Variants in DOCK2 observed in about 807,000 individuals in gnomAD.
The protein encoded by DOCK2 is dedicator of cytokinesis protein 2.
DOCK2 carries 87 observed loss-of-function variants against 248.9 expected under a neutral mutation model. The observed-to-expected ratio is 0.35, with a 90% CI of 0.29 to 0.42. The LOEUF is 0.42. DOCK2 is among the 10% of genes least tolerant of loss of function. DOCK2 has a pLI of 1.00. For missense variants in DOCK2, 1,747 were observed against 2,300.2 expected (o/e 0.76, Z 4.92); for synonymous variants, 805 against 821.6 (o/e 0.98, Z 0.35).
intron 22 of DOCK2, among the ~76,000 whole-genome samples, chr5:169,730,500 A>T (rs1478512499): frequency 2.0e-5 from 3 of 152,196 alleles, no homozygotes; most frequent in Non-Finnish European, 4.4e-5. Flanking sequence ...CAAACTGCTC[A>T]GAGGGGATTT....
At chr5:169,714,254 G>A (rs752155410) in intron 18 of DOCK2, 43 bp downstream of exon 18, 4 of 1,602,844 alleles carry the variant, frequency 2.5e-6, no homozygotes, top group Non-Finnish European at 3.4e-6. Context: ...GAGTGTGTGT[G>A]TCCGTGTGTG....
At chr5:170,017,927 A>G (rs945459624) in intron 32 of DOCK2, among the ~76,000 whole-genome samples, 1 of 152,188 alleles carries the variant, frequency 6.6e-6, no homozygotes, top group African/African-American at 2.4e-5. Flanking sequence ...TTTATGAGAC[A>G]TATATACAAG....
At chr5:169,677,007 G>A (rs986006074) in intron 6 of DOCK2, among the ~76,000 whole-genome samples, 2 of 152,198 alleles carry the variant, frequency 1.3e-5, no homozygotes, top group Admixed American at 6.5e-5. Context: ...ACAACTTTAT[G>A]AGGTAGGCAC....
At chr5:169,957,991 T>A (rs1178094743) in intron 27 of DOCK2, among the ~76,000 whole-genome samples, 2 of 152,194 alleles carry the variant, frequency 1.3e-5, no homozygotes, top group Non-Finnish European at 2.9e-5. Context: ...TCACCTTGAC[T>A]GAGATGCTCA....
intron 23 of DOCK2, 125 bp downstream of exon 23, chr5:169,747,629 A>G (rs1038807000): frequency 1.3e-6 from 1 of 775,050 alleles, no homozygotes; most frequent in Non-Finnish European, 2.0e-6. Flanking sequence ...TGGGCTGGCC[A>G]CTAGGTTAAA....
In DOCK2 at chr5:169,718,717, G is replaced by A. The variant is rs1179012711; in HGVS notation, c.2193G>A (p.Glu731=). 8 of 1,613,896 alleles carry A rather than the reference G, an allele frequency of 5.0e-6. No individual in the cohort carries two copies. Among genetic ancestry groups the A allele is most frequent in the Non-Finnish European group, 6.8e-6 (8 of 1,179,922 alleles). ...CCTCCAGCAGAGGGGAGCAATGTGA[G>A]CCAATCCTAAGAACGCTGAAGGCTT... ...LDTSSRGEQC[E]PILRTLKALE... is the part of the protein sequence containing the mutation. The change falls in exon 22 of 52, where the codon GAG becomes GAA. Residue 731 remains glutamate, a synonymous_variant. Coordinates refer to ENST00000520908, the MANE Select transcript of DOCK2 (RefSeq NM_004946.3).
In DOCK2 at chr5:170,075,855, G is replaced by T. The variant is rs1464880691; in HGVS notation, c.4729-92G>T. On this transcript the variant is annotated intron_variant, in intron 46 of 51. Transcript: ENST00000520908. ...GAAGCCCTTGATGAATTCTTAGCAG[G>T]CAGACTTGACTGCAGCTGCCTTGAT... The T allele has an allele frequency of 2.6e-6, 4 of 1,537,060 alleles. No homozygotes were observed. In the African/African-American group the frequency reaches 4.1e-5, roughly 16 times the overall value.
At chr5:170,025,955 G>A (rs996592580) in intron 33 of DOCK2, among the ~76,000 whole-genome samples, 7 of 151,410 alleles carry the variant, frequency 4.6e-5, no homozygotes, top group African/African-American at 7.3e-5. Flanking sequence ...TGCTCACACC[G>A]TTTCCCCCAT....
chr5:169,673,963 C>T (rs1382425395), intron 5 of DOCK2, among the ~76,000 whole-genome samples: 1 of 152,194 alleles, frequency 6.6e-6, no homozygotes, highest in Non-Finnish European at 1.5e-5. Context: ...CTCCCAGCCT[C>T]AAAAGGCCTG....
chr5:169,776,593 TATAGTCA>T (rs1765396532), intron 25 of DOCK2, among the ~76,000 whole-genome samples: 1 of 152,220 alleles, frequency 6.6e-6, no homozygotes, highest in South Asian at 2.1e-4. Flanking sequence ...GGACACTGGC[TATAGTCA>T]ATTTTATGGC....
rs184196863 is a variant in DOCK2, at chr5:170,079,028, C to T, written c.5048C>T (p.Pro1683Leu). 395 of 1,614,094 alleles carry T rather than the reference C, an allele frequency of 2.4e-4. 2 individuals carry two copies. The East Asian group carries it at 8.0e-3, about 33-fold the overall frequency. The change falls in exon 49 of 52, where the codon CCG becomes CTG. Residue 1683 changes from proline to leucine, a missense_variant. Transcript: ENST00000520908. ...ACGCCGAGAGTGGAGCAGGAGGAACCGATCTCCCCGGGGAGCACCCTGCCT... is the reference window on the plus strand; with the variant it reads ...ACGCCGAGAGTGGAGCAGGAGGAACTGATCTCCCCGGGGAGCACCCTGCCT... ...PKTPRVEQEE[P>L]ISPGSTLPEV...
intron 23 of DOCK2, among the ~76,000 whole-genome samples, chr5:169,751,195 G>A (rs1051269742): frequency 4.7e-4 from 71 of 152,090 alleles, no homozygotes; most frequent in African/African-American, 1.7e-3. Context: ...GAAGCTTTTT[G>A]GGTATTTTAC....
chr5:170,029,170 G>A (rs577145805), intron 34 of DOCK2, among the ~76,000 whole-genome samples: 2 of 152,232 alleles, frequency 1.3e-5, no homozygotes, highest in East Asian at 3.9e-4. Context: ...TTCCAAAGTG[G>A]CAGCTCCATA....
intron 25 of DOCK2, among the ~76,000 whole-genome samples, chr5:169,795,953 A>C (rs1188787401): frequency 6.6e-6 from 1 of 152,226 alleles, no homozygotes; most frequent in African/African-American, 2.4e-5. Context: ...GTCAATAGGA[A>C]CTTGGCCAAA....
chr5:169,981,785 A>G (rs973658183), intron 27 of DOCK2, among the ~76,000 whole-genome samples: 4 of 152,218 alleles, frequency 2.6e-5, no homozygotes, highest in African/African-American at 9.7e-5. Context: ...CAATATTTTT[A>G]AATTAAGGTT....
chr5:170,035,440 T>G (rs1312404030), intron 35 of DOCK2, among the ~76,000 whole-genome samples: 1 of 152,180 alleles, frequency 6.6e-6, no homozygotes, highest in African/African-American at 2.4e-5. Flanking sequence ...TTTTCTAGAA[T>G]GCCAAGGAGA....
At chr5:170,079,474 C>A (rs1757950820) in intron 49 of DOCK2, 1 of 305,352 alleles carries the variant, frequency 3.3e-6, no homozygotes, top group South Asian at 3.5e-5. Flanking sequence ...GAGCAGCCCA[C>A]TTGGTACTGA....
intron 27 of DOCK2, among the ~76,000 whole-genome samples, chr5:169,947,966 A>G (rs1455540545): frequency 6.6e-6 from 1 of 152,178 alleles, no homozygotes; most frequent in Non-Finnish European, 1.5e-5. Context: ...GGGTCCTTGC[A>G]ATTGCCAGAA....
At chr5:170,045,226 CAGG>C (rs1756661074) in intron 38 of DOCK2, among the ~76,000 whole-genome samples, 2 of 152,254 alleles carry the variant, frequency 1.3e-5, no homozygotes, top group African/African-American at 4.8e-5. Flanking sequence ...GACTGCATAT[CAGG>C]AGAACTGGGG....
Sources: gnomAD v4.1 joint callset for allele counts (sites outside exome capture counted in the v4.1 genomes callset) on GRCh38, gnomAD v4.1.1 for gene constraint, MANE v1.5 for transcripts, NCBI Gene and HGNC (gene_info 2026-07-23, HGNC 2026-07-21) for gene names.